Variants in THOP1 observed in about 807,000 individuals in gnomAD.
The protein encoded by THOP1 is thimet oligopeptidase 1.
In THOP1, 49 loss-of-function variants were observed where a neutral mutation model predicts 71.8. That is an observed-to-expected ratio of 0.68 (90% confidence interval 0.54 to 0.87). The LOEUF (loss-of-function observed/expected upper bound fraction) is 0.87. Ranked by LOEUF, THOP1 falls within the 40% of genes least tolerant of loss-of-function variation. THOP1 has a pLI of 0.00. For synonymous variants in THOP1, 426 were observed against 421.5 expected, an observed-to-expected ratio of 1.01 and a Z score of -0.13; for missense variants, 843 against 975.6, an observed-to-expected ratio of 0.86 and a Z score of 1.81.
intron 3 of THOP1, among the ~76,000 whole-genome samples, chr19:2,795,290 C>G (rs1915987872): frequency 6.6e-6 from 1 of 152,254 alleles, no homozygotes; most frequent in Admixed American, 6.5e-5. Flanking sequence ...CCTTTCCTGG[C>G]CATCCTAGTG....
At position 2,785,608 on chromosome 19, in the gene THOP1, T is replaced by C; in HGVS notation, c.-55T>C. ...AGGCGGCCTCAGTGGCCGAGGTGGCTGGACGCGTAGCAGGTGGAAGGAGGG... is the reference window on the plus strand; with the variant it reads ...AGGCGGCCTCAGTGGCCGAGGTGGCCGGACGCGTAGCAGGTGGAAGGAGGG... On this transcript the variant is annotated 5_prime_UTR_variant, in exon 1 of 13. Coordinates refer to ENST00000307741, the MANE Select transcript of THOP1 (RefSeq NM_003249.5). 1.3e-6 allele frequency: 2 copies of C among 1,496,442 alleles called. No homozygotes were observed. Among genetic ancestry groups the C allele is most frequent in the Admixed American group, 2.2e-5 (1 of 45,546 alleles). 92.7% of individuals were successfully genotyped at this position (1,496,442 alleles called of 1,614,324 possible).
intron 2 of THOP1, among the ~76,000 whole-genome samples, chr19:2,793,567 G>A (rs1915934772): frequency 6.6e-6 from 1 of 152,148 alleles, no homozygotes. Context: ...GTGGGTACCT[G>A]TAATCCCAGC....
intron 5 of THOP1, 54 bp downstream of exon 5, chr19:2,799,845 G>A: frequency 6.7e-7 from 1 of 1,496,362 alleles, no homozygotes; most frequent in South Asian, 1.1e-5. Flanking sequence ...ACTCAGTGCA[G>A]GCCTGCCAGG....
intron 1 of THOP1, among the ~76,000 whole-genome samples, chr19:2,788,775 G>A (rs1341426774): frequency 4.6e-5 from 7 of 152,078 alleles, no homozygotes; most frequent in Non-Finnish European, 5.9e-5. Flanking sequence ...CACAGCATCC[G>A]GCCAAGATGG....
chr19:2,807,543 G>A lies in THOP1; in HGVS notation c.988G>A (p.Gly330Ser), dbSNP rs143302192. 1.2e-5 allele frequency: 20 copies of A among 1,612,218 alleles called. No homozygotes were observed. The highest frequency in any genetic ancestry group is 1.7e-4 in the Middle Eastern group (1 of 5,990). Residue 330 changes from glycine (G) to serine (S), a missense_variant, in exon 8 of 13, where the codon GGC (glycine) becomes AGC (serine). Gly to Ser is a moderately conservative substitution (Grantham distance 56, BLOSUM62 0). Coordinates refer to ENST00000307741, the MANE Select transcript of THOP1 (RefSeq NM_003249.5). Reference protein sequence around the residue: ...ECERRGLPFDGRIRAWDMRYY... With the variant: ...ECERRGLPFDSRIRAWDMRYY... ...CGAGCGCCGGGGCCTGCCCTTCGAC[G>A]GCCGCATCCGTGCCTGGGACATGCG...
At chr19:2,793,391 C>T (rs1217731407) in intron 2 of THOP1, among the ~76,000 whole-genome samples, 5 of 152,154 alleles carry the variant, frequency 3.3e-5, no homozygotes, top group East Asian at 1.9e-4. Flanking sequence ...CTGGATATTT[C>T]GTAGAAATGG....
chr19:2,808,780 C>T (rs1176333390), intron 9 of THOP1, among the ~76,000 whole-genome samples: 3 of 152,252 alleles, frequency 2.0e-5, no homozygotes, highest in Non-Finnish European at 4.4e-5. Context: ...CTCATGTGGT[C>T]GTCCTTCTGT....
chr19:2,811,796 C>G, intron 12 of THOP1, 62 bp downstream of exon 12: 9 of 1,517,854 alleles, frequency 5.9e-6, no homozygotes, highest in South Asian at 1.3e-5. Context: ...GGACTGGGGA[C>G]AGGGAGGGCG....
Position 2,813,285 on chromosome 19 carries a change from A to T in THOP1, c.*9A>T, listed in dbSNP as rs767715935. 2 of 1,604,376 alleles carry T rather than the reference A, an allele frequency of 1.2e-6. No homozygotes were observed. The highest frequency in any genetic ancestry group is 1.7e-6 in the Non-Finnish European group (2 of 1,176,790). ...AGCCGCAGGTCTGCTGAGGCCTGGC[A>T]CTGCGACTGCCCAGTCTGGCCTGCG... On this transcript the variant is annotated 3_prime_UTR_variant, in exon 13 of 13. Coordinates refer to ENST00000307741, the MANE Select transcript of THOP1 (RefSeq NM_003249.5).
chr19:2,800,134 A>G (rs1329938710), intron 5 of THOP1, among the ~76,000 whole-genome samples: 8 of 152,082 alleles, frequency 5.3e-5, no homozygotes, highest in Non-Finnish European at 7.4e-5. Flanking sequence ...GGGAACCACA[A>G]TTTTCCCTTG....
At position 2,807,505 on chromosome 19, in the gene THOP1, A is replaced by C. The variant is rs2144779477; in HGVS notation, c.950A>C (p.Lys317Thr). 6.2e-7 allele frequency: 1 copy of C among 1,611,304 alleles called. No individual in the cohort carries two copies. The highest frequency in any genetic ancestry group is 8.5e-7 in the Non-Finnish European group (1 of 1,179,612). The change falls in exon 8 of 13, where the codon AAG becomes ACG. Residue 317 changes from lysine to threonine, a missense_variant. By Grantham distance (78) the Lys-to-Thr change is moderately conservative. Coordinates refer to ENST00000307741, the MANE Select transcript of THOP1 (RefSeq NM_003249.5). ...GAGCGTGCGGTGATTCTGGAGCTGA[A>C]GCGTGCGGAGTGCGAGCGCCGGGGC... ...EQERAVILEL[K>T]RAECERRGLP...
intron 9 of THOP1, among the ~76,000 whole-genome samples, chr19:2,809,009 A>G (rs1916387002): frequency 6.6e-6 from 1 of 152,190 alleles, no homozygotes; most frequent in Non-Finnish European, 1.5e-5. Flanking sequence ...CCTGGCCAAC[A>G]TGGTGCCATC....
At chr19:2,791,390 C>T (rs1249323483) in intron 2 of THOP1, among the ~76,000 whole-genome samples, 2 of 139,654 alleles carry the variant, frequency 1.4e-5, no homozygotes, top group Non-Finnish European at 3.0e-5. Context: ...AGTTCAAGCC[C>T]AGGGCTTCTC....
At chr19:2,797,268 G>A (rs954800268) in intron 4 of THOP1, among the ~76,000 whole-genome samples, 1 of 152,122 alleles carries the variant, frequency 6.6e-6, no homozygotes, top group Non-Finnish European at 1.5e-5. Flanking sequence ...GTAGGGGCTC[G>A]AGACTAGTTG....
At chr19:2,795,790 T>A (rs557218380) in intron 3 of THOP1, among the ~76,000 whole-genome samples, 8 of 152,214 alleles carry the variant, frequency 5.3e-5, no homozygotes, top group Non-Finnish European at 1.0e-4. Flanking sequence ...TATGGTGTCA[T>A]CTACACCCCG....
chr19:2,808,148 C>T (rs1916358073), intron 8 of THOP1, 95 bp from the exon 9 acceptor site: 1 of 1,386,088 alleles, frequency 7.2e-7, no homozygotes, highest in Non-Finnish European at 9.9e-7. Context: ...GCCCGGCGGT[C>T]TGGGTTAGCA....
chr19:2,804,738 G>A lies in THOP1; in HGVS notation c.590-278G>A. 1 of 395,906 alleles carries A rather than the reference G, an allele frequency of 2.5e-6. No homozygotes were observed. The highest frequency in any genetic ancestry group is 6.9e-4 in the Middle Eastern group (1 of 1,442). 24.5% of individuals were successfully genotyped at this position (395,906 alleles called of 1,614,324 possible). ...TAACCTCTCTGGGGCAGGAGATCCT[G>A]CTCTGAGGATGCTGGGGGGTTTCCT... On this transcript the variant is annotated intron_variant, in intron 5 of 12. Coordinates refer to ENST00000307741, the MANE Select transcript of THOP1 (RefSeq NM_003249.5). The surrounding 1 kb of genome is among the most constrained non-coding windows in gnomAD (Gnocchi z 4.7).
Position 2,805,013 on chromosome 19 carries a change from T to C in THOP1, c.590-3T>C. The C allele has an allele frequency of 6.2e-7, 1 of 1,610,834 alleles. No homozygotes were observed. Among genetic ancestry groups the C allele is most frequent in the Non-Finnish European group, 8.5e-7 (1 of 1,178,782 alleles). On this transcript the variant is annotated splice_polypyrimidine_tract_variant and splice_region_variant and intron_variant, in intron 5 of 12. Coordinates refer to ENST00000307741, the MANE Select transcript of THOP1 (RefSeq NM_003249.5). The surrounding 1 kb of genome is among the most constrained non-coding windows in gnomAD (Gnocchi z 6.6). ...CAAAGCCACCCTGGTTCTGTCCCCA[T>C]AGGAGGGCTCCCCGAGGACTTTCTG... is the stretch of plus-strand genomic sequence containing the variant.
At chr19:2,786,557 G>A (rs1915747137) in intron 1 of THOP1, among the ~76,000 whole-genome samples, 2 of 151,756 alleles carry the variant, frequency 1.3e-5, no homozygotes, top group South Asian at 4.2e-4. Context: ...TTAATTTAGA[G>A]GCAAAGGGGC....
Sources: gnomAD v4.1 joint callset for allele counts (sites outside exome capture counted in the v4.1 genomes callset) on GRCh38, gnomAD v4.1.1 for gene constraint, Gnocchi (gnomAD v3.1) non-coding constraint, MANE v1.5 for transcripts, NCBI Gene and HGNC (gene_info 2026-07-23, HGNC 2026-07-21) for gene names.